Variants in ROBO2 observed in about 807,000 individuals in gnomAD.
The protein encoded by ROBO2 is roundabout homolog 2.
ROBO2 carries 53 observed loss-of-function variants against 160.8 expected under a neutral mutation model. The observed-to-expected ratio is 0.33, with a 90% confidence interval of 0.26 to 0.41. ROBO2 has a LOEUF of 0.41. ROBO2 is among the 10% of genes least tolerant of loss of function. The pLI is 1.00. For synonymous variants in ROBO2, 664 were observed against 611.7 expected (o/e 1.09, Z -1.26); for missense variants, 1,577 against 1,722.4 (o/e 0.92, Z 1.49).
chr3:76,130,398 A>G lies in ROBO2; in HGVS notation c.109+192796A>G, dbSNP rs6774115. On this transcript the variant is annotated intron_variant, in intron 2 of 26. Transcript: ENST00000487694. ...TCAGTTAAAAGGAAAATATTTCTCC[A>G]TAAAAAACACTGAGAAATTTAAAAA... Among the ~76,000 whole-genome samples the G allele has an allele frequency of 5.7e-3, 868 of 152,314 alleles. 11 individuals are homozygous for G. The highest frequency in any genetic ancestry group is 0.02 in the African/African-American group (842 of 41,584).
At chr3:76,220,597 G>T (rs979203617) in intron 2 of ROBO2, among the ~76,000 whole-genome samples, 1 of 152,114 alleles carries the variant, frequency 6.6e-6, no homozygotes, top group South Asian at 2.1e-4. Flanking sequence ...ATTAATTCCT[G>T]TTCCTTATAA....
intron 9 of ROBO2, among the ~76,000 whole-genome samples, chr3:77,561,294 T>C (rs998077817): frequency 1.3e-5 from 2 of 152,200 alleles, no homozygotes; most frequent in African/African-American, 4.8e-5. Context: ...ATTAGACTGA[T>C]GTTCATCACA....
At chr3:75,971,071 T>C (rs2064978504) in intron 2 of ROBO2, among the ~76,000 whole-genome samples, 1 of 151,352 alleles carries the variant, frequency 6.6e-6, no homozygotes, top group South Asian at 2.1e-4. Context: ...ATTTACTTTT[T>C]TTCTTCATCA....
chr3:76,325,033 A>T (rs2072894140), intron 2 of ROBO2, among the ~76,000 whole-genome samples: 1 of 152,230 alleles, frequency 6.6e-6, no homozygotes, highest in Non-Finnish European at 1.5e-5. Context: ...TGAACCCGGG[A>T]GGCGGAGCTT....
In ROBO2 at chr3:77,439,848, AGCTCTCTTC is replaced by A. The variant is rs1163856066; in HGVS notation, c.389-37565_389-37557del. Among the ~76,000 whole-genome samples the A allele has an allele frequency of 3.3e-5, 5 of 152,074 alleles. No homozygotes were observed. The South Asian group carries it at 1.0e-3, about 32-fold the overall frequency. ...AACATTTTACATTCTAACGTGTTTT[AGCTCTCTTC>A]CAGACACCTCATACATATCATACCT... is the stretch of plus-strand genomic sequence containing the variant. On this transcript the variant is annotated intron_variant, in intron 2 of 25. Coordinates refer to ENST00000461745, the Ensembl canonical transcript of ROBO2.
intron 2 of ROBO2, among the ~76,000 whole-genome samples, chr3:76,647,954 CT>C (rs1336763214): frequency 1.3e-5 from 2 of 151,964 alleles, no homozygotes; most frequent in African/African-American, 4.8e-5. Context: ...GAAAGACAGC[CT>C]TGGGTTACAG....
intron 2 of ROBO2, among the ~76,000 whole-genome samples, chr3:76,656,463 C>A (rs1018904707): frequency 3.3e-5 from 5 of 152,102 alleles, no homozygotes; most frequent in African/African-American, 7.2e-5. Flanking sequence ...ATTACCTGCA[C>A]TTCTTGTGAA....
intron 2 of ROBO2, among the ~76,000 whole-genome samples, chr3:76,460,848 A>G (rs922193780): frequency 6.6e-6 from 1 of 152,226 alleles, no homozygotes; most frequent in Non-Finnish European, 1.5e-5. Flanking sequence ...ATGCAGCTGT[A>G]GATATCTAAG....
chr3:76,263,057 A>G (rs952291181), intron 2 of ROBO2, among the ~76,000 whole-genome samples: 30 of 152,030 alleles, frequency 2.0e-4, no homozygotes, highest in African/African-American at 7.0e-4. Flanking sequence ...GACCCAAGAA[A>G]TCTCCCGAAT....
intron 2 of ROBO2, among the ~76,000 whole-genome samples, chr3:76,133,323 C>A (rs1054913810): frequency 1.3e-5 from 2 of 151,922 alleles, no homozygotes; most frequent in Non-Finnish European, 2.9e-5. Flanking sequence ...TGTGAAAAAA[C>A]CAATCGAATT....
intron 1 of ROBO2, among the ~76,000 whole-genome samples, chr3:77,065,831 A>G (rs2066783519): frequency 2.0e-5 from 3 of 152,120 alleles, no homozygotes; most frequent in African/African-American, 7.2e-5. Flanking sequence ...TCAGAGTTCA[A>G]ATTAAGCCTC....
chr3:77,434,688 T>A (rs1237942355), intron 2 of ROBO2, among the ~76,000 whole-genome samples: 3 of 152,096 alleles, frequency 2.0e-5, no homozygotes, highest in African/African-American at 7.2e-5. Flanking sequence ...TTACCATGCA[T>A]AATGAAAAGT....
intron 2 of ROBO2, among the ~76,000 whole-genome samples, chr3:76,323,184 G>A (rs2072724864): frequency 9.1e-6 from 1 of 110,316 alleles, no homozygotes; most frequent in African/African-American, 3.4e-5. Context: ...CACCCCTAAA[G>A]GCTAATTGCT....
At chr3:75,982,053 G>C (rs1350776168) in intron 2 of ROBO2, among the ~76,000 whole-genome samples, 1 of 151,446 alleles carries the variant, frequency 6.6e-6, no homozygotes, top group Non-Finnish European at 1.5e-5. Context: ...CTTATTTCAA[G>C]TAACTTAATG....
chr3:77,542,769 C>T (rs1387247647), intron 6 of ROBO2, among the ~76,000 whole-genome samples: 1 of 152,136 alleles, frequency 6.6e-6, no homozygotes, highest in African/African-American at 2.4e-5. Flanking sequence ...GGATTCTCTG[C>T]CCCAACTTGT....
At chr3:77,171,323 A>G (rs1339949325) in intron 2 of ROBO2, among the ~76,000 whole-genome samples, 3 of 152,232 alleles carry the variant, frequency 2.0e-5, no homozygotes, top group African/African-American at 4.8e-5. Context: ...AAGGCACATT[A>G]GCTTTACCAC....
intron 2 of ROBO2, among the ~76,000 whole-genome samples, chr3:76,780,646 C>T (rs2062583171): frequency 1.3e-5 from 2 of 150,518 alleles, no homozygotes; most frequent in African/African-American, 4.9e-5. Context: ...ACTTTTGTGC[C>T]TGTGGATATC....
At chr3:76,059,346 C>A (rs1435278890) in intron 2 of ROBO2, among the ~76,000 whole-genome samples, 1 of 152,066 alleles carries the variant, frequency 6.6e-6, no homozygotes, top group Admixed American at 6.6e-5. Context: ...GCCATTCTAA[C>A]TGGTGTGAGA....
chr3:76,591,086 C>T (rs1182399104), intron 2 of ROBO2, among the ~76,000 whole-genome samples: 1 of 152,086 alleles, frequency 6.6e-6, no homozygotes, highest in Non-Finnish European at 1.5e-5. Flanking sequence ...TGCCCCAAAA[C>T]TTAACTACTA....
Sources: allele counts gnomAD v4.1 joint callset (sites outside exome capture counted in the v4.1 genomes callset), GRCh38; gene constraint gnomAD v4.1.1; transcripts MANE v1.5; gene names NCBI Gene and HGNC (gene_info 2026-07-23, HGNC 2026-07-21).